Variants in MKNK1 observed in about 807,000 individuals in gnomAD.
The protein encoded by MKNK1 is MAP kinase-interacting serine/threonine-protein kinase 1.
Under a neutral mutation model 49.3 loss-of-function variants are expected in MKNK1, and 30 were observed. The ratio of observed to expected loss-of-function variants is 0.61; its 90% confidence interval spans 0.46 to 0.83. The LOEUF (loss-of-function observed/expected upper bound fraction) is 0.83, where lower values mean the gene tolerates loss of function less well. Ranked by LOEUF, MKNK1 falls within the 40% of genes least tolerant of loss-of-function variation. The pLI, the probability that MKNK1 is intolerant of heterozygous loss-of-function variation, is 0.00. For missense variants in MKNK1, 423 were observed against 524.7 expected (o/e 0.81, Z 1.89); for synonymous variants, 176 against 201.7 (o/e 0.87, Z 1.08).
chr1:46,558,612 C>A lies in MKNK1; in HGVS notation c.1202G>T (p.Gly401Val), dbSNP rs376764283. The A allele has an allele frequency of 1.4e-5, 23 of 1,613,412 alleles. No individual in the cohort carries two copies. Among genetic ancestry groups the A allele is most frequent in the Admixed American group, 3.3e-5 (2 of 59,956 alleles). ...LARRRALAQA[G>V]RGEDRSPPTA... ...GGGCGGGCTCCTGTCTTCACCACGG[C>A]CTGCCTGGGCCAGGGCCCGTCTCCG... The change falls in exon 13 of 13, where the codon GGC becomes GTC. Residue 401 changes from glycine to valine, a missense_variant. Physicochemically the swap from Gly to Val is moderately radical, Grantham distance 109. Transcript: ENST00000371945.
At chr1:46,593,987 T>C in intron 2 of MKNK1, 126 bp downstream of exon 2, 1 of 696,250 alleles carries the variant, frequency 1.4e-6, no homozygotes, top group Non-Finnish European at 2.6e-6. Flanking sequence ...GCAGCTCCGC[T>C]ATTCCTAGCT....
At position 46,561,651 on chromosome 1, in the gene MKNK1, A is replaced by G. The variant is rs776601553; in HGVS notation, c.805-9T>C. The G allele has an allele frequency of 5.0e-6, 8 of 1,613,034 alleles. No individual in the cohort carries two copies. Among genetic ancestry groups the G allele is most frequent in the Non-Finnish European group, 6.8e-6 (8 of 1,179,526 alleles). On this transcript the variant is annotated splice_polypyrimidine_tract_variant and intron_variant, in intron 10 of 12. Coordinates refer to ENST00000371945, the MANE Select transcript of MKNK1 (RefSeq NM_001135553.4). ...CTTTCAAACAGCTTGTTCTAGGTACAAAAGATTCCTCCTGAGGCCACACTG... is the reference window on the plus strand; with the variant it reads ...CTTTCAAACAGCTTGTTCTAGGTACGAAAGATTCCTCCTGAGGCCACACTG...
At chr1:46,590,841 T>G (rs1673238041) in intron 2 of MKNK1, among the ~76,000 whole-genome samples, 1 of 152,254 alleles carries the variant, frequency 6.6e-6, no homozygotes, top group Non-Finnish European at 1.5e-5. Flanking sequence ...GTGAAAAGGT[T>G]GGGCAGCACT....
intron 1 of MKNK1, among the ~76,000 whole-genome samples, chr1:46,602,007 C>T (rs996612918): frequency 6.6e-6 from 1 of 152,104 alleles, no homozygotes; most frequent in African/African-American, 2.4e-5. Flanking sequence ...ACCATGGAGG[C>T]CACATGAGAT....
At chr1:46,574,916 G>C (rs753182786) in intron 6 of MKNK1, 31 bp downstream of exon 6, 3 of 1,450,330 alleles carry the variant, frequency 2.1e-6, no homozygotes, top group Middle Eastern at 1.7e-4. Context: ...GTCTTAATCA[G>C]AAGTCCACAC....
intron 2 of MKNK1, chr1:46,585,784 G>A (rs1164447324): frequency 9.2e-6 from 6 of 653,506 alleles, no homozygotes; most frequent in Admixed American, 1.9e-5. Context: ...AGGGCTGAGG[G>A]AGCCGCTTGC....
chr1:46,579,272 A>G (rs1329586937), intron 4 of MKNK1, among the ~76,000 whole-genome samples: 2 of 152,212 alleles, frequency 1.3e-5, no homozygotes, highest in Non-Finnish European at 2.9e-5. Flanking sequence ...TCAGGAGCCC[A>G]CTGGGCTGGG....
intron 8 of MKNK1, among the ~76,000 whole-genome samples, chr1:46,566,678 C>T (rs1280560223): frequency 1.3e-5 from 2 of 152,172 alleles, no homozygotes; most frequent in Non-Finnish European, 2.9e-5. Flanking sequence ...TTACAGCCTA[C>T]CTAGTAGTAT....
At chr1:46,585,215 A>T in intron 2 of MKNK1, among the ~76,000 whole-genome samples, 1 of 112,374 alleles carries the variant, frequency 8.9e-6, no homozygotes, top group African/African-American at 3.5e-5. Context: ...ACGCCATTGC[A>T]CTCCAGCCTG....
At chr1:46,578,050 TG>T (rs1671236800) in intron 4 of MKNK1, among the ~76,000 whole-genome samples, 1 of 152,262 alleles carries the variant, frequency 6.6e-6, no homozygotes, top group Non-Finnish European at 1.5e-5. Context: ...AGAGGTGTAG[TG>T]CTGGGGAACA....
chr1:46,559,048 A>C (rs953476269), intron 12 of MKNK1, among the ~76,000 whole-genome samples: 2 of 152,212 alleles, frequency 1.3e-5, no homozygotes, highest in Admixed American at 1.3e-4. Context: ...CCTTCTCCTC[A>C]GAGCACCCTC....
intron 3 of MKNK1, among the ~76,000 whole-genome samples, chr1:46,581,500 C>T (rs371794561): frequency 5.3e-4 from 60 of 113,472 alleles, no homozygotes; most frequent in African/African-American, 1.9e-3. Flanking sequence ...CAGAGTGAGA[C>T]CCCATATCAA....
At chr1:46,574,856 G>T in intron 6 of MKNK1, 91 bp downstream of exon 6, 1 of 845,920 alleles carries the variant, frequency 1.2e-6, no homozygotes, top group Non-Finnish European at 1.9e-6. Context: ...TTATTAGCTT[G>T]ACTCGTTTTG....
At chr1:46,565,484 ACTT>A in intron 8 of MKNK1, 1 of 302,340 alleles carries the variant, frequency 3.3e-6, no homozygotes, top group East Asian at 8.2e-5. Context: ...TGAGAGACAG[ACTT>A]CTTGCAGCCC....
At chr1:46,576,459 C>T in intron 5 of MKNK1, 116 bp downstream of exon 5, 2 of 831,360 alleles carry the variant, frequency 2.4e-6, no homozygotes, top group Non-Finnish European at 4.1e-6. Context: ...AGGTACCTGC[C>T]TTGTGGGGAC....
intron 2 of MKNK1, chr1:46,593,759 G>T (rs59446321): frequency 0.26 from 40,999 of 160,688 alleles, 5,269 homozygotes; most frequent in Admixed American, 0.33. Context: ...AGGAAGCTGA[G>T]GCAGGAGAAT....
chr1:46,570,538 C>T (rs1014508173), intron 7 of MKNK1, among the ~76,000 whole-genome samples: 1 of 152,230 alleles, frequency 6.6e-6, no homozygotes, highest in Non-Finnish European at 1.5e-5. Flanking sequence ...ACCTCCTGGA[C>T]ATGCGCCACA....
chr1:46,591,828 C>T (rs1042005890), intron 2 of MKNK1, among the ~76,000 whole-genome samples: 1 of 152,182 alleles, frequency 6.6e-6, no homozygotes, highest in South Asian at 2.1e-4. Context: ...CGCAGAAGTA[C>T]TTTATGAGCA....
chr1:46,565,246 G>T (rs1668859381), intron 8 of MKNK1, 110 bp from the exon 9 acceptor site: 3 of 931,132 alleles, frequency 3.2e-6, no homozygotes, highest in Non-Finnish European at 5.3e-6. Flanking sequence ...ACCGCAGCTG[G>T]TTTTGTCAGG....
Sources: allele counts gnomAD v4.1 joint callset (sites outside exome capture counted in the v4.1 genomes callset), GRCh38; gene constraint gnomAD v4.1.1; transcripts MANE v1.5; gene names NCBI Gene and HGNC (gene_info 2026-07-23, HGNC 2026-07-21).